Variants in RNF216 observed in about 807,000 individuals in gnomAD.
The protein encoded by RNF216 is E3 ubiquitin-protein ligase RNF216.
RNF216 carries 72 observed loss-of-function variants against 110.8 expected under a neutral mutation model. That is an observed-to-expected ratio of 0.65 (90% CI 0.54 to 0.79). The LOEUF is 0.79. Among genes scored for constraint, RNF216 ranks in the 30% least tolerant of loss-of-function variants. The pLI, the probability that RNF216 is intolerant of heterozygous loss-of-function variation, is 0.00. For missense variants in RNF216, 1,342 were observed against 1,141.2 expected (o/e 1.18, Z -2.54); for synonymous variants, 495 against 407.5 (o/e 1.21, Z -2.59).
In RNF216 at chr7:5,761,007, T is replaced by G. The variant is rs779580893; in HGVS notation, c.63A>C (p.Gly21=). Reference sequence around the variant, plus strand: ...AAGTGAGAACAAACAACTTACCTTGTCCCCGATGGCAGTGAAAGTTGTTCA... The same window carrying G: ...AAGTGAGAACAAACAACTTACCTTGGCCCCGATGGCAGTGAAAGTTGTTCA... ...IHLNNFHCHR[G]QEWINLRDGP... is the part of the protein sequence containing the mutation. The change falls in exon 2 of 17, where the codon GGA becomes GGC. Residue 21 remains glycine, a synonymous_variant. Transcript: ENST00000389902. The G allele has an allele frequency of 6.4e-7, 1 of 1,572,128 alleles. No homozygotes were observed. Among genetic ancestry groups the G allele is most frequent in the Non-Finnish European group, 8.6e-7 (1 of 1,162,130 alleles).
Position 5,741,143 on chromosome 7 carries a change from G to A in RNF216, c.874C>T (p.Pro292Ser), listed in dbSNP as rs757046985. ...GGISGPSSPQ[P>S]AHPLGEFEDQ... is the part of the protein sequence containing the mutation. ...TCAAACTCTCCTAGAGGATGGGCAG[G>A]CTGAGGAGAAGAGGGGCCTGAAATC... The change falls in exon 4 of 17, where the codon CCT becomes TCT. Residue 292 changes from proline to serine, a missense_variant. Transcript: ENST00000389902. 1 of 1,614,154 alleles carries A rather than the reference G, an allele frequency of 6.2e-7. No individual in the cohort carries two copies. The highest frequency in any genetic ancestry group is 8.5e-7 in the Non-Finnish European group (1 of 1,180,032).
intron 13 of RNF216, among the ~76,000 whole-genome samples, chr7:5,695,318 C>T (rs1562399881): frequency 1.3e-5 from 2 of 152,224 alleles, no homozygotes; most frequent in Non-Finnish European, 2.9e-5. Context: ...ACCACACATT[C>T]ACACGTCCAG....
At chr7:5,713,327 A>C in intron 11 of RNF216, 1 of 154,800 alleles carries the variant, frequency 6.5e-6, no homozygotes, top group Non-Finnish European at 1.4e-5. Flanking sequence ...GAATTGGCTG[A>C]CTCTGAGAGA....
At chr7:5,781,663 C>CGGCGA (rs767616045), upstream of RNF216, 11 of 152,400 alleles carry the variant, frequency 7.2e-5, no homozygotes, top group Non-Finnish European at 1.3e-4. Flanking sequence ...GGCCCTGCCG[C>CGGCGA]GGCGTCACCT....
chr7:5,776,692 G>A (rs1357931958), intron 1 of RNF216, among the ~76,000 whole-genome samples: 1 of 150,712 alleles, frequency 6.6e-6, no homozygotes, highest in Admixed American at 6.6e-5. Flanking sequence ...AGACGTGTCA[G>A]ATCTGGGTTT....
chr7:5,688,984 C>T (rs1244259958), intron 13 of RNF216, among the ~76,000 whole-genome samples: 1 of 152,130 alleles, frequency 6.6e-6, no homozygotes, highest in Admixed American at 6.6e-5. Context: ...GGAAATACTC[C>T]TTTTTCTTCA....
chr7:5,687,393 T>TCAA (rs1179115432), intron 13 of RNF216, among the ~76,000 whole-genome samples: 2 of 33,522 alleles, frequency 6.0e-5, no homozygotes, highest in African/African-American at 4.4e-4. Flanking sequence ...AAACTCCACC[T>TCAA]CAAAAAAAAA....
intron 13 of RNF216, among the ~76,000 whole-genome samples, chr7:5,688,038 A>G (rs912971160): frequency 2.6e-5 from 4 of 152,238 alleles, no homozygotes; most frequent in Non-Finnish European, 4.4e-5. Flanking sequence ...GCTTGATGGA[A>G]GGAACTAGCG....
chr7:5,714,447 G>A lies in RNF216; in HGVS notation c.1833+606C>T, dbSNP rs536888234. Among the ~76,000 whole-genome samples the A allele has an allele frequency of 6.6e-5, 10 of 151,900 alleles. No individual in the cohort carries two copies. In the South Asian group the frequency reaches 2.1e-3, roughly 32 times the overall value. ...CTAATCTTGTATTTTTAGTAGAGAT[G>A]GGGTTTCTCCATGTTGGTCAGGCTG... On this transcript the variant is annotated intron_variant, in intron 11 of 16. Transcript: ENST00000389902.
chr7:5,698,384 T>TACACACACACACACACACACAC (rs376096873), intron 13 of RNF216, among the ~76,000 whole-genome samples: 2 of 145,300 alleles, frequency 1.4e-5, no homozygotes, highest in South Asian at 2.2e-4. Context: ...GATTCTTTTA[T>TACACACACACACACACACACAC]ACACACACAC....
intron 15 of RNF216, among the ~76,000 whole-genome samples, chr7:5,629,810 G>A (rs1333055658): frequency 8.7e-6 from 1 of 114,906 alleles, no homozygotes; most frequent in African/African-American, 3.4e-5. Flanking sequence ...CTGGGCAACA[G>A]AGCAAGACTC....
At chr7:5,774,019 C>G (rs1308858425) in intron 1 of RNF216, among the ~76,000 whole-genome samples, 1 of 152,182 alleles carries the variant, frequency 6.6e-6, no homozygotes, top group Non-Finnish European at 1.5e-5. Context: ...TCAAAAAATT[C>G]CTCATGAGTG....
chr7:5,756,262 G>A (rs553815267), intron 2 of RNF216, among the ~76,000 whole-genome samples: 23 of 152,224 alleles, frequency 1.5e-4, no homozygotes, highest in African/African-American at 4.8e-4. Flanking sequence ...CCAGCAATAT[G>A]GAACTGTGAG....
At chr7:5,725,513 G>C (rs572282161) in intron 7 of RNF216, 75 bp from the exon 8 acceptor site, 1 of 862,410 alleles carries the variant, frequency 1.2e-6, no homozygotes, top group Admixed American at 1.9e-5. Flanking sequence ...ATCCCTGAAT[G>C]CCATTTTAAC....
chr7:5,640,167 G>GCATCA (rs914390159), intron 15 of RNF216, among the ~76,000 whole-genome samples: 3 of 151,986 alleles, frequency 2.0e-5, no homozygotes, highest in Admixed American at 2.0e-4. Context: ...AAAAGTGCTG[G>GCATCA]CATCACAGGC....
At chr7:5,778,831 C>T (rs962382157) in intron 1 of RNF216, among the ~76,000 whole-genome samples, 7 of 152,230 alleles carry the variant, frequency 4.6e-5, no homozygotes, top group African/African-American at 1.7e-4. Context: ...GCAACCTCCG[C>T]CTCCCGAGTT....
intron 1 of RNF216, among the ~76,000 whole-genome samples, chr7:5,762,844 A>C (rs1391975104): frequency 2.6e-5 from 4 of 152,244 alleles, no homozygotes; most frequent in African/African-American, 7.2e-5. Flanking sequence ...TTTCTTTTAA[A>C]GATATTTAAA....
chr7:5,748,282 A>T (rs1307453872), intron 3 of RNF216, among the ~76,000 whole-genome samples: 4 of 152,182 alleles, frequency 2.6e-5, no homozygotes, highest in Non-Finnish European at 5.9e-5. Flanking sequence ...GGAAAAAGCC[A>T]AATTCCACCT....
intron 3 of RNF216, among the ~76,000 whole-genome samples, chr7:5,742,426 TCAG>T (rs1264315963): frequency 6.6e-6 from 1 of 151,900 alleles, no homozygotes; most frequent in Non-Finnish European, 1.5e-5. Context: ...TGCTAACACA[TCAG>T]AAGAATAAGA....
Sources: allele counts gnomAD v4.1 joint callset (sites outside exome capture counted in the v4.1 genomes callset), GRCh38; gene constraint gnomAD v4.1.1; transcripts MANE v1.5; gene names NCBI Gene and HGNC (gene_info 2026-07-23, HGNC 2026-07-21).